The following MRTFA variants were observed in gnomAD, a reference collection of about 807,000 sequenced individuals.
The protein encoded by MRTFA is myocardin-related transcription factor A.
MRTFA carries 20 observed loss-of-function variants against 83.5 expected under a neutral mutation model. The ratio of observed to expected loss-of-function variants is 0.24; its 90% CI spans 0.17 to 0.35. The LOEUF is 0.35. Among genes scored for constraint, MRTFA ranks in the 10% least tolerant of loss-of-function variants. MRTFA has a pLI of 1.00. For synonymous variants in MRTFA, 659 were observed against 541.2 expected (o/e 1.22, Z -3.02); for missense variants, 1,200 against 1,224.7 (o/e 0.98, Z 0.30).
chr22:40,573,332 G>A (rs1266594471), intron 2 of MRTFA, among the ~76,000 whole-genome samples: 1 of 152,096 alleles, frequency 6.6e-6, no homozygotes, highest in Non-Finnish European at 1.5e-5. Flanking sequence ...TCAGCTCACT[G>A]CAACCTCTGC....
At chr22:40,504,056 T>G (rs2054540720) in intron 3 of MRTFA, among the ~76,000 whole-genome samples, 1 of 152,164 alleles carries the variant, frequency 6.6e-6, no homozygotes, top group Non-Finnish European at 1.5e-5. Context: ...GTAAATAAAG[T>G]TCAAAACTGA....
intron 1 of MRTFA, among the ~76,000 whole-genome samples, chr22:40,601,151 A>C (rs1375166241): frequency 6.6e-6 from 1 of 152,164 alleles, no homozygotes. Context: ...CCAGAGAAGT[A>C]GATATAGCTC....
At chr22:40,605,799 G>A (rs1051105075) in intron 1 of MRTFA, among the ~76,000 whole-genome samples, 3 of 152,172 alleles carry the variant, frequency 2.0e-5, no homozygotes, top group Non-Finnish European at 4.4e-5. Context: ...GGGATTGTTT[G>A]TTTTAATGCT....
At chr22:40,590,432 G>A (rs1236743235) in intron 2 of MRTFA, among the ~76,000 whole-genome samples, 2 of 151,996 alleles carry the variant, frequency 1.3e-5, no homozygotes, top group Non-Finnish European at 2.9e-5. Context: ...AATTTGGGAG[G>A]TCGAGGTGGG....
chr22:40,512,410 T>C (rs1157887581), intron 3 of MRTFA, among the ~76,000 whole-genome samples: 3 of 152,222 alleles, frequency 2.0e-5, no homozygotes, highest in Non-Finnish European at 4.4e-5. Context: ...AAATTCCTTA[T>C]AGACAATCAC....
chr22:40,449,285 A>T (rs577544100), intron 4 of MRTFA, among the ~76,000 whole-genome samples: 1 of 151,480 alleles, frequency 6.6e-6, no homozygotes, highest in Non-Finnish European at 1.5e-5. Context: ...AAAAAAAAAA[A>T]AAAAAAGAAA....
chr22:40,424,515 G>A lies in MRTFA; in HGVS notation c.602-134C>T, dbSNP rs2052912789. The A allele has an allele frequency of 2.7e-5, 24 of 893,430 alleles. 1 individual carries two copies. In the South Asian group the frequency reaches 3.5e-4, roughly 13 times the overall value. 55.3% of individuals were successfully genotyped at this position (893,430 alleles called of 1,614,324 possible). A position where few individuals can be genotyped will look rare whatever the true frequency, so the allele number is the denominator to read the frequency against. ...TGCCCCGTGAGGCAGGCAAGCCGAG[G>A]AGACTAGCAGCCAATCTGCTTTCTT... On this transcript the variant is annotated intron_variant, in intron 7 of 14. Coordinates refer to ENST00000355630, the MANE Select transcript of MRTFA (RefSeq NM_020831.6).
chr22:40,471,923 G>A (rs1488914544), intron 3 of MRTFA, among the ~76,000 whole-genome samples: 1 of 152,064 alleles, frequency 6.6e-6, no homozygotes, highest in Non-Finnish European at 1.5e-5. Context: ...AACTCTTCCA[G>A]GAAACAGAGG....
chr22:40,419,016 G>A lies in MRTFA; in HGVS notation c.1722C>T (p.Asp574=), dbSNP rs1274995795. 2.5e-6 allele frequency: 4 copies of A among 1,612,720 alleles called. No individual in the cohort carries two copies. Among genetic ancestry groups the A allele is most frequent in the Admixed American group, 1.7e-5 (1 of 60,006 alleles). Residue 574 remains aspartate, a synonymous_variant, in exon 12 of 15, where the codon GAC becomes GAT. Transcript: ENST00000355630. ...GTGATGTCACCATCTCACCAAAGGT[G>A]TCCCCGGGGGTGGAGTTTTCATCGC...
chr22:40,475,364 C>T (rs1227770616), intron 3 of MRTFA, among the ~76,000 whole-genome samples: 2 of 151,834 alleles, frequency 1.3e-5, no homozygotes, highest in Non-Finnish European at 2.9e-5. Context: ...ATGGTGAAAT[C>T]CCATCTCAAT....
At chr22:40,515,003 G>A (rs1163731402) in intron 3 of MRTFA, among the ~76,000 whole-genome samples, 1 of 151,508 alleles carries the variant, frequency 6.6e-6, no homozygotes, top group Non-Finnish European at 1.5e-5. Context: ...CCGCCTTCTG[G>A]GTTCAAACGA....
chr22:40,475,313 G>A (rs1287697131), intron 3 of MRTFA, among the ~76,000 whole-genome samples: 3 of 151,702 alleles, frequency 2.0e-5, no homozygotes, highest in Non-Finnish European at 4.4e-5. Flanking sequence ...TGAGGTGGGC[G>A]GATCACCTGA....
intron 7 of MRTFA, among the ~76,000 whole-genome samples, chr22:40,426,997 ACCAGACTCAGAAAT>A (rs1182638161): frequency 2.0e-5 from 3 of 152,230 alleles, no homozygotes; most frequent in Non-Finnish European, 4.4e-5. Context: ...CTGACTGGGA[ACCAGACTCAGAAAT>A]CAGTTGTTTA....
intron 2 of MRTFA, chr22:40,588,027 ATT>A (rs771409551): frequency 4.3e-3 from 619 of 143,544 alleles, no homozygotes; most frequent in Middle Eastern, 0.017. Flanking sequence ...ACACTCCAAC[ATT>A]TTTTTTTTTT....
chr22:40,573,714 G>GT (rs1014357997), intron 2 of MRTFA, among the ~76,000 whole-genome samples: 13 of 150,076 alleles, frequency 8.7e-5, no homozygotes, highest in African/African-American at 2.9e-4. Context: ...ACCAGACTGG[G>GT]TAACATAGAG....
At chr22:40,590,058 C>G (rs1381674275) in intron 2 of MRTFA, among the ~76,000 whole-genome samples, 1 of 151,460 alleles carries the variant, frequency 6.6e-6, no homozygotes, top group Non-Finnish European at 1.5e-5. Flanking sequence ...TACAAAGAAG[C>G]TTAAATTAAA....
At chr22:40,603,589 CAA>C (rs2056284442) in intron 1 of MRTFA, among the ~76,000 whole-genome samples, 1 of 152,078 alleles carries the variant, frequency 6.6e-6, no homozygotes, top group South Asian at 2.1e-4. Flanking sequence ...TTCAAGGAGA[CAA>C]ACGGAATTTT....
intron 3 of MRTFA, among the ~76,000 whole-genome samples, chr22:40,483,239 T>A (rs527986881): frequency 2.0e-4 from 30 of 151,530 alleles, no homozygotes; most frequent in East Asian, 1.2e-3. Flanking sequence ...TTTAAAAAAA[T>A]TTTTTTGTAG....
At chr22:40,445,774 T>G (rs2053365483) in intron 4 of MRTFA, among the ~76,000 whole-genome samples, 1 of 152,200 alleles carries the variant, frequency 6.6e-6, no homozygotes. Flanking sequence ...GGTCTTGAAC[T>G]CCTCACCTCG....
Sources: gnomAD v4.1 joint callset for allele counts (sites outside exome capture counted in the v4.1 genomes callset) on GRCh38, gnomAD v4.1.1 for gene constraint, MANE v1.5 for transcripts, NCBI Gene and HGNC (gene_info 2026-07-23, HGNC 2026-07-21) for gene names.